Variants in USP34 observed in about 807,000 individuals in gnomAD.
The protein encoded by USP34 is ubiquitin specific peptidase 34, also known as ubiquitin carboxyl-terminal hydrolase 34.
In USP34, 70 loss-of-function variants were observed where a neutral mutation model predicts 460.3. That is an observed-to-expected ratio of 0.15 (90% CI 0.13 to 0.19). USP34 has a LOEUF of 0.19. Ranked by LOEUF, USP34 falls within the 10% of genes least tolerant of loss-of-function variation. USP34 has a pLI of 1.00. For synonymous variants in USP34, 1,647 were observed against 1,405.3 expected (o/e 1.17, Z -3.85); for missense variants, 3,985 against 4,236.2 (o/e 0.94, Z 1.65).
Position 61,350,621 on chromosome 2 carries a change from T to C in USP34, c.1324A>G (p.Arg442Gly). 6.2e-7 allele frequency: 1 copy of C among 1,613,878 alleles called. No individual in the cohort carries two copies. The highest frequency in any genetic ancestry group is 2.2e-5 in the East Asian group (1 of 44,836). Residue 442 changes from arginine (R) to glycine (G), a missense_variant, in exon 11 of 80, where the codon AGA becomes GGA. By Grantham distance (125) the Arg-to-Gly change is moderately radical (BLOSUM62 -2). Coordinates refer to ENST00000398571, the MANE Select transcript of USP34 (RefSeq NM_014709.4). ...GCTGAGACCAGATTAAGTAGATGTCTAAGTGGTACGGGATCCAAATTCTTG... is the reference window on the plus strand; with the variant it reads ...GCTGAGACCAGATTAAGTAGATGTCCAAGTGGTACGGGATCCAAATTCTTG... ...LIKNLDPVPL[R>G]HLLNLVSALE...
intron 49 of USP34, 120 bp from the exon 50 acceptor site, chr2:61,246,597 A>G (rs1173394629): frequency 8.1e-6 from 6 of 741,084 alleles, no homozygotes; most frequent in African/African-American, 1.8e-5. Flanking sequence ...TAAAATAAAA[A>G]TAATTTTCCC....
At chr2:61,351,747 A>G (rs899490486) in intron 10 of USP34, among the ~76,000 whole-genome samples, 5 of 152,164 alleles carry the variant, frequency 3.3e-5, no homozygotes, top group African/African-American at 9.6e-5. Flanking sequence ...AGAAAACATA[A>G]TACTGCAGGA....
intron 60 of USP34, 28 bp from the exon 61 acceptor site, chr2:61,228,747 A>G (rs1687801273): frequency 6.3e-7 from 1 of 1,595,244 alleles, no homozygotes; most frequent in Admixed American, 1.8e-5. Context: ...CAAAATTTAA[A>G]AATATAAAAT....
At chr2:61,379,478 C>T (rs1303661048) in intron 7 of USP34, among the ~76,000 whole-genome samples, 2 of 152,164 alleles carry the variant, frequency 1.3e-5, no homozygotes, top group South Asian at 2.1e-4. Context: ...CGAGATCATG[C>T]CATTGCACAA....
At chr2:61,227,009 T>C in intron 62 of USP34, 58 bp downstream of exon 62, 1 of 1,529,586 alleles carries the variant, frequency 6.5e-7, no homozygotes, top group Non-Finnish European at 8.7e-7. Context: ...GGTAAACAAT[T>C]ATGTAAAAAT....
At chr2:61,423,332 G>A (rs1052189140) in intron 1 of USP34, among the ~76,000 whole-genome samples, 2 of 151,908 alleles carry the variant, frequency 1.3e-5, no homozygotes, top group Non-Finnish European at 2.9e-5. Flanking sequence ...GGCTGCTCTC[G>A]AACTCCTGAT....
intron 51 of USP34, among the ~76,000 whole-genome samples, chr2:61,242,440 T>A: frequency 1.4e-4 from 16 of 112,052 alleles, no homozygotes; most frequent in African/African-American, 3.6e-4. Flanking sequence ...AAGGTAAGAG[T>A]CAACCAAAGA....
At chr2:61,272,585 T>C (rs1293238762) in intron 41 of USP34, among the ~76,000 whole-genome samples, 2 of 152,172 alleles carry the variant, frequency 1.3e-5, no homozygotes, top group African/African-American at 4.8e-5. Context: ...ACTGGATCCC[T>C]TGACTCATAC....
intron 8 of USP34, among the ~76,000 whole-genome samples, chr2:61,374,098 G>A (rs1692716061): frequency 6.6e-6 from 1 of 150,758 alleles, no homozygotes. Flanking sequence ...AGAGGTTGCA[G>A]TGAGCCGAGA....
chr2:61,413,348 G>A (rs1558580138), intron 2 of USP34, among the ~76,000 whole-genome samples: 2 of 151,876 alleles, frequency 1.3e-5, no homozygotes, highest in African/African-American at 2.4e-5. Context: ...CCAAGATCGC[G>A]CCATTGCACT....
intron 62 of USP34, 84 bp downstream of exon 62, chr2:61,226,983 T>C: frequency 1.4e-6 from 2 of 1,430,902 alleles, no homozygotes; most frequent in African/African-American, 2.9e-5. Flanking sequence ...AATAAAAAGC[T>C]AGTGGAAAAA....
intron 4 of USP34, 85 bp downstream of exon 4, chr2:61,395,096 GAC>G (rs1179140764): frequency 1.4e-6 from 2 of 1,444,896 alleles, no homozygotes; most frequent in Non-Finnish European, 9.4e-7. Context: ...AAACTCAAAA[GAC>G]ATATATAAAT....
At chr2:61,251,998 T>A (rs1168052918) in intron 48 of USP34, among the ~76,000 whole-genome samples, 2 of 151,518 alleles carry the variant, frequency 1.3e-5, no homozygotes, top group Non-Finnish European at 2.9e-5. Context: ...CACCCACAAC[T>A]TTTTCCATTC....
chr2:61,296,814 T>C lies in USP34; in HGVS notation c.4240A>G (p.Ile1414Val), dbSNP rs1306675175. The C allele has an allele frequency of 1.2e-6, 2 of 1,613,122 alleles. No individual in the cohort carries two copies. The highest frequency in any genetic ancestry group is 4.5e-5 in the East Asian group (2 of 44,812). Residue 1414 changes from isoleucine (I) to valine (V), a missense_variant, in exon 30 of 80, where the codon ATC becomes GTC. Ile to Val is a conservative substitution (Grantham distance 29). Transcript: ENST00000398571. ...CPNMLMAFQN[I>V]SDEQSNDGFN... ...TGTGGGCTCACCTGCTCATCTGAGA[T>C]ATTCTGGAATGCCATCAACATATTA...
chr2:61,304,956 CTT>C (rs1321361560), intron 27 of USP34, among the ~76,000 whole-genome samples: 9 of 152,060 alleles, frequency 5.9e-5, no homozygotes, highest in Admixed American at 1.3e-4. Context: ...TCAAAAAACT[CTT>C]GATTTATAAT....
chr2:61,466,955 G>A lies in USP34; in HGVS notation c.43+3695C>T, dbSNP rs1216552900. ...CGTTTGCCCAGGTAGCCTTCTCTAA[G>A]TGTGATCACTGTTTGTTAATTTCAC... On this transcript the variant is annotated intron_variant, in intron 1 of 79. Transcript: ENST00000398571. Among the ~76,000 whole-genome samples the A allele has an allele frequency of 2.6e-5, 4 of 151,910 alleles. No individual in the cohort carries two copies. In the East Asian group the frequency reaches 5.8e-4, roughly 22 times the overall value.
chr2:61,456,105 A>C (rs1249346708), intron 1 of USP34, among the ~76,000 whole-genome samples: 1 of 152,248 alleles, frequency 6.6e-6, no homozygotes, highest in Non-Finnish European at 1.5e-5. Flanking sequence ...ATGTTTTTAA[A>C]AAAACAAATA....
intron 5 of USP34, among the ~76,000 whole-genome samples, chr2:61,383,666 G>A (rs962065246): frequency 1.3e-5 from 2 of 152,154 alleles, no homozygotes; most frequent in Non-Finnish European, 2.9e-5. Context: ...GATGTGGTGA[G>A]CCGAGATTGT....
intron 67 of USP34, among the ~76,000 whole-genome samples, chr2:61,217,323 T>C (rs1687432031): frequency 6.6e-6 from 1 of 152,238 alleles, no homozygotes; most frequent in Admixed American, 6.5e-5. Context: ...ATGGCAACTC[T>C]AAGACACTAA....
Sources: allele counts gnomAD v4.1 joint callset (sites outside exome capture counted in the v4.1 genomes callset), GRCh38; gene constraint gnomAD v4.1.1; transcripts MANE v1.5; gene names NCBI Gene and HGNC (gene_info 2026-07-23, HGNC 2026-07-21).